NMT1: variants seen among roughly 807,000 people sequenced by gnomAD.
NMT1 encodes the protein N-myristoyltransferase 1.
A neutral mutation model predicts 63.4 loss-of-function variants in NMT1; 12 were observed. The ratio of observed to expected loss-of-function variants is 0.19; its 90% CI spans 0.12 to 0.31. The LOEUF (loss-of-function observed/expected upper bound fraction) is 0.31. Among genes scored for constraint, NMT1 ranks in the 10% least tolerant of loss-of-function variants. The probability of loss-of-function intolerance (pLI) is 1.00; values close to 1 mark genes in which losing one functional copy is unlikely to be tolerated. For missense variants in NMT1, 432 were observed against 634.6 expected (o/e 0.68, Z 3.43); for synonymous variants, 228 against 234.3 (o/e 0.97, Z 0.25).
At chr17:45,080,533 A>G (rs2054011001) in intron 1 of NMT1, among the ~76,000 whole-genome samples, 1 of 132,242 alleles carries the variant, frequency 7.6e-6, no homozygotes, top group South Asian at 2.4e-4. Flanking sequence ...CAGTGGCATG[A>G]TCTCGGCTCA....
At chr17:45,074,480 A>C (rs2053965160) in intron 1 of NMT1, among the ~76,000 whole-genome samples, 1 of 152,060 alleles carries the variant, frequency 6.6e-6, no homozygotes, top group Admixed American at 6.6e-5. Flanking sequence ...CGGCCTCCCA[A>C]AGTGCTGGTA....
rs368843856 is a variant in NMT1, at chr17:45,105,109, G to A, written c.1470+113G>A. 6 of 1,384,350 alleles carry A rather than the reference G, an allele frequency of 4.3e-6. No individual in the cohort carries two copies. Among genetic ancestry groups the A allele is most frequent in the Admixed American group, 4.0e-5 (2 of 49,386 alleles). The allele number at this position is 1,384,350 out of a possible 1,614,324, so 85.8% of individuals were successfully genotyped here. ...CCGCAGTCTGGGTCCTTGTTACCTC[G>A]AGTTGAACCTTTGAAAATGCCCTCC... On this transcript the variant is annotated intron_variant, in intron 11 of 11. Transcript: ENST00000258960. This position sits in a 1 kb window ranked among gnomAD's most constrained non-coding sequence, Gnocchi z 4.2.
chr17:45,086,611 G>A lies in NMT1; in HGVS notation c.344G>A (p.Arg115Gln), dbSNP rs377156745. The A allele has an allele frequency of 1.2e-6, 2 of 1,613,492 alleles. No individual in the cohort carries two copies. Among genetic ancestry groups the A allele is most frequent in the Non-Finnish European group, 1.7e-6 (2 of 1,179,694 alleles). The change falls in exon 3 of 12, where the codon CGA becomes CAA. Residue 115 changes from arginine to glutamine, a missense_variant. By Grantham distance (43) the Arg-to-Gln change is conservative. Coordinates refer to ENST00000258960, the MANE Select transcript of NMT1 (RefSeq NM_021079.5). Reference protein sequence around the residue: ...PAKTMEEASKRSYQFWDTQPV... With the variant: ...PAKTMEEASKQSYQFWDTQPV... Reference sequence around the variant, plus strand: ...AAAACCATGGAGGAGGCTAGCAAGCGAAGCTACCAGTTCTGGGATACGCAG... The same window carrying A: ...AAAACCATGGAGGAGGCTAGCAAGCAAAGCTACCAGTTCTGGGATACGCAG...
At chr17:45,076,912 T>C (rs556178874) in intron 1 of NMT1, among the ~76,000 whole-genome samples, 2 of 152,300 alleles carry the variant, frequency 1.3e-5, no homozygotes, top group East Asian at 3.9e-4. Flanking sequence ...GTTTCGGTCT[T>C]GGAGATTTCT....
chr17:45,101,536 T>C (rs1356829057), intron 8 of NMT1, among the ~76,000 whole-genome samples: 1 of 146,418 alleles, frequency 6.8e-6, no homozygotes, highest in Non-Finnish European at 1.5e-5. Context: ...GCAGAGTTGC[T>C]TGAACCTGGG....
intron 1 of NMT1, among the ~76,000 whole-genome samples, chr17:45,063,029 C>T (rs2053877201): frequency 6.6e-6 from 1 of 151,718 alleles, no homozygotes; most frequent in Admixed American, 6.6e-5. Context: ...ACTGTGAAAT[C>T]CCATCTCTAC....
intron 1 of NMT1, among the ~76,000 whole-genome samples, chr17:45,070,582 T>C (rs1598003253): frequency 6.6e-6 from 1 of 152,130 alleles, no homozygotes; most frequent in East Asian, 1.9e-4. Flanking sequence ...CACGCCCGGC[T>C]AATTTTTTGT....
intron 3 of NMT1, among the ~76,000 whole-genome samples, chr17:45,087,496 T>G (rs2054062516): frequency 6.6e-6 from 1 of 152,194 alleles, no homozygotes; most frequent in South Asian, 2.1e-4. Flanking sequence ...GCAGAATATC[T>G]AAAAGGATTC....
intron 3 of NMT1, among the ~76,000 whole-genome samples, chr17:45,093,388 C>T (rs2054101926): frequency 6.6e-6 from 1 of 152,204 alleles, no homozygotes; most frequent in South Asian, 2.1e-4. Flanking sequence ...AGGCAGGAAG[C>T]CAAATTACTA....
At chr17:45,102,809 T>C in intron 8 of NMT1, 142 bp from the exon 9 acceptor site, 1 of 636,044 alleles carries the variant, frequency 1.6e-6, no homozygotes, top group South Asian at 2.5e-5. Flanking sequence ...AGGCAGGCCC[T>C]GTGCCTGAGG....
chr17:45,087,325 C>T (rs2054061606), intron 3 of NMT1, among the ~76,000 whole-genome samples: 1 of 152,168 alleles, frequency 6.6e-6, no homozygotes, highest in African/African-American at 2.4e-5. Flanking sequence ...GCAAAGTCCC[C>T]AGCCTCTTCC....
chr17:45,065,900 CTG>C (rs1021265407), intron 1 of NMT1, among the ~76,000 whole-genome samples: 7 of 148,368 alleles, frequency 4.7e-5, no homozygotes, highest in African/African-American at 1.5e-4. Context: ...TTTAAAGAGA[CTG>C]TGTCTCGCTA....
rs1472546667 is a variant in NMT1, at chr17:45,062,900, T to C, written c.131+1440T>C. ...CTTAGGTTAAAAGATCTAGCTTTTA[T>C]GTTCTTCAGCCGGCATTAAAAATCA... On this transcript the variant is annotated intron_variant, in intron 1 of 11. Coordinates refer to ENST00000258960, the MANE Select transcript of NMT1 (RefSeq NM_021079.5). Among the ~76,000 whole-genome samples, 4 of 152,134 alleles carry C rather than the reference T, an allele frequency of 2.6e-5. No individual in the cohort carries two copies. In the East Asian group the frequency reaches 7.7e-4, roughly 29 times the overall value.
intron 1 of NMT1, among the ~76,000 whole-genome samples, chr17:45,062,349 C>A (rs886566825): frequency 6.6e-6 from 1 of 152,216 alleles, no homozygotes; most frequent in Admixed American, 6.5e-5. Flanking sequence ...CTGGCACTCA[C>A]GCTGTCTCTC....
In NMT1 at chr17:45,103,117, TGGA is replaced by T; in HGVS notation, c.1163_1164+1del. On this transcript the variant is annotated inframe_deletion and splice_region_variant, in exon 9 of 12. Coordinates refer to ENST00000258960, the MANE Select transcript of NMT1 (RefSeq NM_021079.5). This position sits in a 1 kb window ranked among gnomAD's most constrained non-coding sequence, Gnocchi z 4.8. The stretch of plus-strand genomic sequence containing the variant: ...GAGAATATCATCGACACTTTCGTGG[TGGA>T]GGTGAGTCAGGGAGTGGTGTTCCAG... 1 of 1,607,270 alleles carries T rather than the reference TGGA, an allele frequency of 6.2e-7. No individual in the cohort carries two copies. Among genetic ancestry groups the T allele is most frequent in the Non-Finnish European group, 8.5e-7 (1 of 1,174,330 alleles).
At chr17:45,071,230 C>G (rs1281746500) in intron 1 of NMT1, among the ~76,000 whole-genome samples, 1 of 152,100 alleles carries the variant, frequency 6.6e-6, no homozygotes, top group South Asian at 2.1e-4. Flanking sequence ...TGAATTTCTG[C>G]CCAAAAAATT....
chr17:45,104,713 G>T lies in NMT1; in HGVS notation c.1333-146G>T, dbSNP rs2054191744. On this transcript the variant is annotated intron_variant, in intron 10 of 11. Transcript: ENST00000258960. The surrounding 1 kb of genome is among the most constrained non-coding windows in gnomAD (Gnocchi z 4.2). The stretch of plus-strand genomic sequence containing the variant: ...TCCTGAGAACCACCCGGAGAGCGGG[G>T]ATTAACGTGGAAGCAGCGGAGCTTC... 6.8e-7 allele frequency: 1 copy of T among 1,471,714 alleles called. No homozygotes were observed. The highest frequency in any genetic ancestry group is 2.4e-5 in the Admixed American group (1 of 40,946). 91.2% of individuals were successfully genotyped at this position (1,471,714 alleles called of 1,614,324 possible). A position where few individuals can be genotyped will look rare whatever the true frequency, so the allele number is the denominator to read the frequency against.
intron 1 of NMT1, chr17:45,061,769 G>GGACA: frequency 3.5e-6 from 1 of 282,094 alleles, no homozygotes; most frequent in Non-Finnish European, 6.8e-6. Context: ...GTACAACACA[G>GGACA]GACAGTCTAG....
chr17:45,096,172 T>G (rs553907435), intron 4 of NMT1, 22 bp from the exon 5 acceptor site: 3 of 1,583,108 alleles, frequency 1.9e-6, no homozygotes, highest in Middle Eastern at 1.7e-4. Flanking sequence ...TACCTCCAAG[T>G]GAGCTGCTTA....
Sources: allele counts gnomAD v4.1 joint callset (sites outside exome capture counted in the v4.1 genomes callset), GRCh38; gene constraint gnomAD v4.1.1; non-coding constraint Gnocchi (gnomAD v3.1); transcripts MANE v1.5; gene names NCBI Gene and HGNC (gene_info 2026-07-23, HGNC 2026-07-21).